Variants in ENPP3 observed in about 807,000 individuals in gnomAD.
The protein encoded by ENPP3 is ectonucleotide pyrophosphatase/phosphodiesterase family member 3.
ENPP3 carries 104 observed loss-of-function variants against 117.8 expected under a neutral mutation model. That is an observed-to-expected ratio of 0.88 (90% CI 0.75 to 1.04). The LOEUF (loss-of-function observed/expected upper bound fraction) is 1.04. Among genes scored for constraint, ENPP3 ranks in the 50% least tolerant of loss-of-function variants. The pLI is 0.00. For synonymous variants in ENPP3, 380 were observed against 349.9 expected, an observed-to-expected ratio of 1.09 and a Z score of -0.96; for missense variants, 1,026 against 1,051.9, an observed-to-expected ratio of 0.98 and a Z score of 0.34.
At chr6:131,679,464 C>T (rs1778974609) in intron 11 of ENPP3, among the ~76,000 whole-genome samples, 1 of 150,168 alleles carries the variant, frequency 6.7e-6, no homozygotes. Context: ...ACTCTATTTG[C>T]ATTCATTGCA....
At chr6:131,652,438 C>T in intron 3 of ENPP3, 104 bp from the exon 4 acceptor site, 3 of 1,207,248 alleles carry the variant, frequency 2.5e-6, no homozygotes, top group Admixed American at 2.2e-5. Context: ...ACAGATAAAC[C>T]AAGAATTTGA....
chr6:131,639,371 C>G (rs909581796), intron 1 of ENPP3, among the ~76,000 whole-genome samples: 1 of 150,392 alleles, frequency 6.6e-6, no homozygotes, highest in Non-Finnish European at 1.5e-5. Flanking sequence ...AACTCAGGCT[C>G]CAACTTTGGC....
chr6:131,663,905 T>C (rs1353156285), intron 6 of ENPP3, among the ~76,000 whole-genome samples: 2 of 152,156 alleles, frequency 1.3e-5, no homozygotes, highest in Non-Finnish European at 2.9e-5. Context: ...TATACTATAC[T>C]CTTTTCAAAA....
At chr6:131,687,619 C>T (rs1396408929) in intron 14 of ENPP3, among the ~76,000 whole-genome samples, 1 of 152,068 alleles carries the variant, frequency 6.6e-6, no homozygotes, top group African/African-American at 2.4e-5. Context: ...GCCTAATATC[C>T]AGAATCTATA....
intron 12 of ENPP3, among the ~76,000 whole-genome samples, chr6:131,685,085 A>G (rs1779123358): frequency 6.6e-6 from 1 of 152,192 alleles, no homozygotes; most frequent in South Asian, 2.1e-4. Context: ...AGCACAGCCG[A>G]AATAATATAC....
intron 15 of ENPP3, chr6:131,701,503 A>G: frequency 1.7e-6 from 1 of 593,446 alleles, no homozygotes; most frequent in South Asian, 2.0e-5. Context: ...TGAAGTAGAA[A>G]AGTGTTCAGA....
chr6:131,735,821 G>A (rs1351138734), intron 21 of ENPP3, among the ~76,000 whole-genome samples: 1 of 152,080 alleles, frequency 6.6e-6, no homozygotes, highest in East Asian at 1.9e-4. Context: ...GGCTGGGGGA[G>A]GGAGAAATGG....
chr6:131,737,966 A>G, intron 22 of ENPP3, 65 bp from the exon 23 acceptor site: 5 of 1,151,478 alleles, frequency 4.3e-6, no homozygotes, highest in Non-Finnish European at 4.9e-6. Flanking sequence ...ACTTGTCTAT[A>G]ATAGAAAATA....
chr6:131,720,267 T>C, intron 16 of ENPP3, 25 bp from the exon 17 acceptor site: 1 of 1,394,934 alleles, frequency 7.2e-7, no homozygotes, highest in South Asian at 1.3e-5. Flanking sequence ...CATCTAATAA[T>C]AATAATCTGA....
At chr6:131,645,031 T>A (rs113463526) in intron 2 of ENPP3, among the ~76,000 whole-genome samples, 2 of 152,218 alleles carry the variant, frequency 1.3e-5, no homozygotes, top group Non-Finnish European at 2.9e-5. Flanking sequence ...TTGAGACCCA[T>A]CAGAATTGCC....
At chr6:131,737,276 G>A (rs929551236) in intron 21 of ENPP3, 79 bp from the exon 22 acceptor site, 18 of 797,002 alleles carry the variant, frequency 2.3e-5, no homozygotes, top group Admixed American at 6.7e-5. Flanking sequence ...ATATTAATAT[G>A]TAATAGTAGT....
At chr6:131,692,864 T>C (rs905900534) in intron 14 of ENPP3, among the ~76,000 whole-genome samples, 1 of 143,212 alleles carries the variant, frequency 7.0e-6, no homozygotes, top group Admixed American at 7.3e-5. Flanking sequence ...ATATGTGATA[T>C]ATATGATATA....
chr6:131,683,156 G>T lies in ENPP3; in HGVS notation c.1114G>T (p.Asp372Tyr). The part of the protein sequence containing the change: ...HNCVNIILLA[D>Y]HGMDQTYCNK... ...CTGTGTCAATATCATCCTTCTGGCT[G>T]ACCATGGTATGCTTTTAAAAAACAT... The change falls in exon 12 of 25, where the codon GAC (aspartate) becomes TAC (tyrosine). Residue 372 changes from aspartate to tyrosine, a missense_variant. By Grantham distance (160) the Asp-to-Tyr change is radical (BLOSUM62 -3). Transcript: ENST00000357639. 1.3e-6 allele frequency: 2 copies of T among 1,569,054 alleles called. No homozygotes were observed. Among genetic ancestry groups the T allele is most frequent in the South Asian group, 2.3e-5 (2 of 88,850 alleles).
chr6:131,740,351 C>T lies in ENPP3; in HGVS notation c.2428C>T (p.His810Tyr). The change falls in exon 24 of 25, where the codon CAC becomes TAC. Residue 810 changes from histidine (H) to tyrosine (Y), a missense_variant. His to Tyr is a moderately conservative substitution (Grantham distance 83). Coordinates refer to ENST00000357639, the MANE Select transcript of ENPP3 (RefSeq NM_005021.5). ...WLDVLPFIIP[H>Y]RPTNVESCPE... Reference sequence around the variant, plus strand: ...GGATGTCCTACCCTTTATCATCCCTCACCGACCTACCAACGTGGAGAGCTG... The same window carrying T: ...GGATGTCCTACCCTTTATCATCCCTTACCGACCTACCAACGTGGAGAGCTG... 3 of 1,611,006 alleles carry T rather than the reference C, an allele frequency of 1.9e-6. No homozygotes were observed. Among genetic ancestry groups the T allele is most frequent in the Non-Finnish European group, 2.5e-6 (3 of 1,178,528 alleles).
chr6:131,703,278 A>C (rs1254097880), intron 15 of ENPP3, among the ~76,000 whole-genome samples: 1 of 135,264 alleles, frequency 7.4e-6, no homozygotes, highest in South Asian at 2.4e-4. Context: ...ATGAAAAAAA[A>C]ATTTTAAAGA....
chr6:131,719,308 A>G (rs1366043984), intron 16 of ENPP3, among the ~76,000 whole-genome samples: 2 of 151,590 alleles, frequency 1.3e-5, no homozygotes, highest in Admixed American at 6.6e-5. Flanking sequence ...GCCTGAGTCT[A>G]TGAGTAGAAT....
intron 6 of ENPP3, among the ~76,000 whole-genome samples, chr6:131,664,018 T>C (rs879281733): frequency 6.6e-6 from 1 of 152,200 alleles, no homozygotes; most frequent in Non-Finnish European, 1.5e-5. Flanking sequence ...GCTTGGCCAC[T>C]GTGCCAAGCT....
chr6:131,731,524 G>A (rs1780280094), intron 20 of ENPP3, among the ~76,000 whole-genome samples: 1 of 152,052 alleles, frequency 6.6e-6, no homozygotes, highest in African/African-American at 2.4e-5. Flanking sequence ...TTTCAGTATG[G>A]TGCACCTGCT....
chr6:131,724,223 AGG>A, intron 19 of ENPP3, 132 bp downstream of exon 19: 1 of 615,018 alleles, frequency 1.6e-6, no homozygotes, highest in Non-Finnish European at 2.8e-6. Context: ...AATATACAAA[AGG>A]TAAAAAAAAA....
Sources: allele counts gnomAD v4.1 joint callset (sites outside exome capture counted in the v4.1 genomes callset), GRCh38; gene constraint gnomAD v4.1.1; transcripts MANE v1.5; gene names NCBI Gene and HGNC (gene_info 2026-07-23, HGNC 2026-07-21).